The following PLEKHA7 variants were observed in gnomAD, a reference collection of about 807,000 sequenced individuals.
PLEKHA7 encodes the protein pleckstrin homology domain-containing family A member 7.
In PLEKHA7, 104 loss-of-function variants were observed where a neutral mutation model predicts 170.0. The observed-to-expected ratio is 0.61, with a 90% confidence interval of 0.52 to 0.72. The LOEUF is 0.72. Among genes scored for constraint, PLEKHA7 ranks in the 30% least tolerant of loss-of-function variants. PLEKHA7 has a pLI of 0.00. For synonymous variants in PLEKHA7, 648 were observed against 660.8 expected, an observed-to-expected ratio of 0.98 and a Z score of 0.30; for missense variants, 1,615 against 1,671.7, an observed-to-expected ratio of 0.97 and a Z score of 0.59.
At chr11:16,873,838 T>C (rs1179930664) in intron 3 of PLEKHA7, among the ~76,000 whole-genome samples, 2 of 152,144 alleles carry the variant, frequency 1.3e-5, no homozygotes, top group African/African-American at 4.8e-5. Flanking sequence ...GACTAACTTT[T>C]GTATTTTTAG....
At chr11:16,987,472 G>A (rs1232907235) in intron 3 of PLEKHA7, among the ~76,000 whole-genome samples, 2 of 152,136 alleles carry the variant, frequency 1.3e-5, no homozygotes, top group Admixed American at 6.5e-5. Flanking sequence ...GAGTAGAGAC[G>A]CACCCTTGAG....
intron 3 of PLEKHA7, among the ~76,000 whole-genome samples, chr11:16,990,294 A>AAC (rs764413488): frequency 2.0e-5 from 3 of 148,912 alleles, no homozygotes; most frequent in East Asian, 2.0e-4. Context: ...AAAAAAAAAA[A>AAC]AAAAACTTCT....
rs546943552 is a variant in PLEKHA7, at chr11:17,009,976, G to C, written c.221+4013C>G. Among the ~76,000 whole-genome samples the C allele has an allele frequency of 2.6e-5, 4 of 152,222 alleles. No individual in the cohort carries two copies. In the South Asian group the frequency reaches 8.3e-4, roughly 32 times the overall value. ...TCAACATCACTTAGTCTAGAACTGG[G>C]AGAACCAACAGTAGATTTCTTATAC... is the stretch of plus-strand genomic sequence containing the variant. On this transcript the variant is annotated intron_variant, in intron 3 of 26. Transcript: ENST00000531066.
At chr11:16,923,292 A>G (rs1859234962) in intron 3 of PLEKHA7, among the ~76,000 whole-genome samples, 1 of 152,162 alleles carries the variant, frequency 6.6e-6, no homozygotes, top group Non-Finnish European at 1.5e-5. Flanking sequence ...AATCAAGGCC[A>G]TCTTCAAATC....
intron 3 of PLEKHA7, among the ~76,000 whole-genome samples, chr11:16,901,035 G>A (rs963246358): frequency 6.6e-6 from 1 of 152,030 alleles, no homozygotes. Flanking sequence ...AGTAGAGACA[G>A]GGTTTCACCC....
intron 3 of PLEKHA7, among the ~76,000 whole-genome samples, chr11:16,960,415 G>T (rs141320190): frequency 1.3e-5 from 2 of 152,286 alleles, no homozygotes; most frequent in African/African-American, 4.8e-5. Flanking sequence ...TTACTCAAAC[G>T]TTGCCTGAGC....
chr11:16,995,980 C>T (rs1590812490), intron 3 of PLEKHA7, among the ~76,000 whole-genome samples: 1 of 152,146 alleles, frequency 6.6e-6, no homozygotes, highest in Admixed American at 6.5e-5. Context: ...TACACAGGTA[C>T]GCTCTGTGTA....
At chr11:16,973,961 T>G (rs1418153157) in intron 3 of PLEKHA7, among the ~76,000 whole-genome samples, 1 of 152,174 alleles carries the variant, frequency 6.6e-6, no homozygotes, top group East Asian at 1.9e-4. Context: ...GCATGACCCC[T>G]CTCCCACCTT....
intron 3 of PLEKHA7, among the ~76,000 whole-genome samples, chr11:16,933,321 T>A (rs1417728843): frequency 6.6e-6 from 1 of 152,192 alleles, no homozygotes; most frequent in Non-Finnish European, 1.5e-5. Context: ...TGACTACAGT[T>A]CCATGCCAAT....
At chr11:16,948,639 G>C (rs1226315534) in intron 3 of PLEKHA7, among the ~76,000 whole-genome samples, 4 of 109,448 alleles carry the variant, frequency 3.7e-5, no homozygotes, top group African/African-American at 9.5e-5. Context: ...CACACACAGA[G>C]TGAAGGAGGA....
At chr11:16,994,493 G>A (rs1212888350) in intron 3 of PLEKHA7, among the ~76,000 whole-genome samples, 2 of 152,084 alleles carry the variant, frequency 1.3e-5, no homozygotes, top group Admixed American at 1.3e-4. Flanking sequence ...CCTATGTCCA[G>A]CCCCACCCCT....
chr11:16,894,065 A>G (rs1856845877), intron 3 of PLEKHA7, among the ~76,000 whole-genome samples: 1 of 152,134 alleles, frequency 6.6e-6, no homozygotes. Context: ...TAGCAATGGA[A>G]TACCAGAGTC....
At chr11:16,889,778 C>T (rs1443543803) in intron 3 of PLEKHA7, among the ~76,000 whole-genome samples, 1 of 152,118 alleles carries the variant, frequency 6.6e-6, no homozygotes, top group Non-Finnish European at 1.5e-5. Context: ...GATGCCTAGA[C>T]ACCCAGATAC....
chr11:16,912,047 C>T (rs1442918209), intron 3 of PLEKHA7, among the ~76,000 whole-genome samples: 1 of 152,158 alleles, frequency 6.6e-6, no homozygotes, highest in African/African-American at 2.4e-5. Context: ...GCACTTTACC[C>T]TTTCTGCTTC....
At chr11:17,011,313 T>C (rs1045492135) in intron 3 of PLEKHA7, among the ~76,000 whole-genome samples, 1 of 152,158 alleles carries the variant, frequency 6.6e-6, no homozygotes, top group African/African-American at 2.4e-5. Flanking sequence ...CTCCAGCAAC[T>C]GCCCCGTCTC....
intron 17 of PLEKHA7, among the ~76,000 whole-genome samples, chr11:16,798,346 G>C (rs1171731997): frequency 1.3e-5 from 2 of 152,182 alleles, no homozygotes; most frequent in Non-Finnish European, 2.9e-5. Context: ...CACAGGCAAG[G>C]TGGAAATCAA....
At chr11:16,831,261 C>A (rs765235458) in intron 9 of PLEKHA7, among the ~76,000 whole-genome samples, 6 of 152,228 alleles carry the variant, frequency 3.9e-5, no homozygotes, top group Non-Finnish European at 7.3e-5. Context: ...ATTTAACTTA[C>A]TAAGTTATGG....
chr11:16,925,447 C>A (rs371535350), intron 3 of PLEKHA7, among the ~76,000 whole-genome samples: 1 of 152,312 alleles, frequency 6.6e-6, no homozygotes, highest in South Asian at 2.1e-4. Flanking sequence ...AAAGCACCCC[C>A]AAAAGGAGCC....
At chr11:16,793,724 C>T (rs899300840) in intron 19 of PLEKHA7, among the ~76,000 whole-genome samples, 4 of 152,244 alleles carry the variant, frequency 2.6e-5, no homozygotes, top group African/African-American at 9.6e-5. Flanking sequence ...TCTCCTATTT[C>T]TTTAAAGTCT....
Sources: allele counts gnomAD v4.1 joint callset (sites outside exome capture counted in the v4.1 genomes callset), GRCh38; gene constraint gnomAD v4.1.1; transcripts MANE v1.5; gene names NCBI Gene and HGNC (gene_info 2026-07-23, HGNC 2026-07-21).